PTPRT: variants seen among roughly 807,000 people sequenced by gnomAD.
PTPRT encodes the protein receptor-type tyrosine-protein phosphatase T.
PTPRT carries 56 observed loss-of-function variants against 176.8 expected under a neutral mutation model. The ratio of observed to expected loss-of-function variants is 0.32; its 90% CI spans 0.26 to 0.40. The LOEUF (loss-of-function observed/expected upper bound fraction) is 0.40. Ranked by LOEUF, PTPRT falls within the 10% of genes least tolerant of loss-of-function variation. PTPRT has a pLI of 1.00. For synonymous variants in PTPRT, 783 were observed against 739.0 expected (o/e 1.06, Z -0.96); for missense variants, 1,540 against 1,908.2 (o/e 0.81, Z 3.60).
chr20:42,540,728 T>A (rs1164549401), intron 7 of PTPRT, among the ~76,000 whole-genome samples: 2 of 152,070 alleles, frequency 1.3e-5, no homozygotes, highest in East Asian at 3.9e-4. Flanking sequence ...AGGGAAAACA[T>A]AATAGTTGTG....
chr20:42,892,129 T>TCC (rs1336968009), intron 1 of PTPRT, among the ~76,000 whole-genome samples: 1 of 152,190 alleles, frequency 6.6e-6, no homozygotes, highest in Non-Finnish European at 1.5e-5. Context: ...TCATCAGAGC[T>TCC]CCTAAGGAAC....
At chr20:42,191,817 C>T (rs4507153) in intron 16 of PTPRT, among the ~76,000 whole-genome samples, 49,123 of 152,066 alleles carry the variant, frequency 0.32, 8,910 homozygotes, top group South Asian at 0.46. Context: ...AGAGAGAATA[C>T]ATTATGAGAA....
At chr20:42,512,252 C>T (rs2071972136) in intron 7 of PTPRT, among the ~76,000 whole-genome samples, 1 of 152,188 alleles carries the variant, frequency 6.6e-6, no homozygotes, top group Admixed American at 6.5e-5. Flanking sequence ...TTCCAAAAAA[C>T]TTCCTTGTAC....
intron 26 of PTPRT, among the ~76,000 whole-genome samples, chr20:42,101,809 T>TGAGA (rs1361664497): frequency 2.0e-5 from 3 of 152,238 alleles, no homozygotes; most frequent in African/African-American, 7.2e-5. Context: ...AACTTCAGGC[T>TGAGA]GAGAGTCGGC....
intron 1 of PTPRT, among the ~76,000 whole-genome samples, chr20:42,905,836 A>G: frequency 6.6e-6 from 1 of 150,388 alleles, no homozygotes. Flanking sequence ...CAAACACCGC[A>G]TACTCTCACT....
intron 6 of PTPRT, among the ~76,000 whole-genome samples, chr20:42,730,215 C>T (rs2076439939): frequency 6.6e-6 from 1 of 152,160 alleles, no homozygotes; most frequent in African/African-American, 2.4e-5. Flanking sequence ...CCACACATTC[C>T]ATATTTCTCC....
At chr20:42,090,709 G>A (rs1197076246) in intron 27 of PTPRT, among the ~76,000 whole-genome samples, 1 of 152,142 alleles carries the variant, frequency 6.6e-6, no homozygotes, top group Non-Finnish European at 1.5e-5. Context: ...CTCCTGGGGA[G>A]GGAAAGCTTA....
intron 1 of PTPRT, among the ~76,000 whole-genome samples, chr20:42,978,729 C>T (rs1312217954): frequency 2.6e-5 from 4 of 152,146 alleles, no homozygotes; most frequent in African/African-American, 9.7e-5. Flanking sequence ...AAGATGGCCA[C>T]GAGAGTGACC....
Position 42,810,854 on chromosome 20 carries a change from G to A in PTPRT, c.215-19388C>T, listed in dbSNP as rs539639759. Among the ~76,000 whole-genome samples, 263 of 152,220 alleles carry A rather than the reference G, an allele frequency of 1.7e-3. 1 individual carries two copies. The highest frequency in any genetic ancestry group is 0.017 in the Middle Eastern group (5 of 292). ...CCTCTCCCCTTTGCCCGTCCAACCCGCCCCAGGTCTTAATTCCTGTCCTTC... is the reference window on the plus strand; with the variant it reads ...CCTCTCCCCTTTGCCCGTCCAACCCACCCCAGGTCTTAATTCCTGTCCTTC... On this transcript the variant is annotated intron_variant, in intron 2 of 30. Coordinates refer to ENST00000373187, the MANE Select transcript of PTPRT (RefSeq NM_007050.6).
chr20:42,865,821 C>A (rs1349629755), intron 2 of PTPRT, among the ~76,000 whole-genome samples: 2 of 152,158 alleles, frequency 1.3e-5, no homozygotes, highest in Non-Finnish European at 2.9e-5. Flanking sequence ...GCTGGGTGCT[C>A]CTGGTGGAAT....
chr20:42,448,198 G>A (rs192355267), intron 9 of PTPRT, 22 bp downstream of exon 9: 2 of 1,546,792 alleles, frequency 1.3e-6, no homozygotes, highest in African/African-American at 2.7e-5. Context: ...GCCAATGGAT[G>A]CAGCACAAGG....
intron 1 of PTPRT, among the ~76,000 whole-genome samples, chr20:42,999,807 T>C (rs1984449841): frequency 6.6e-6 from 1 of 151,932 alleles, no homozygotes; most frequent in African/African-American, 2.4e-5. Context: ...ACCCTGACTC[T>C]AAATAAATAA....
intron 7 of PTPRT, among the ~76,000 whole-genome samples, chr20:42,664,186 G>A (rs1481478220): frequency 2.0e-5 from 3 of 152,056 alleles, no homozygotes; most frequent in Non-Finnish European, 4.4e-5. Context: ...TTCATATTTT[G>A]TTTAGCAATT....
intron 2 of PTPRT, among the ~76,000 whole-genome samples, chr20:42,844,805 C>A (rs910339292): frequency 6.6e-6 from 1 of 152,216 alleles, no homozygotes; most frequent in African/African-American, 2.4e-5. Flanking sequence ...TTGGGTCAGA[C>A]CCCATGCTAG....
chr20:42,248,073 G>C (rs376860281), intron 14 of PTPRT, among the ~76,000 whole-genome samples: 1 of 152,176 alleles, frequency 6.6e-6, no homozygotes, highest in African/African-American at 2.4e-5. Context: ...CTAGTAGCTG[G>C]CCAAAGGAGT....
intron 7 of PTPRT, among the ~76,000 whole-genome samples, chr20:42,612,725 A>T (rs569699031): frequency 6.6e-6 from 1 of 152,168 alleles, no homozygotes; most frequent in East Asian, 1.9e-4. Flanking sequence ...CTTTTAAGAC[A>T]TTATATATTG....
chr20:42,331,395 T>C (rs111297254), intron 11 of PTPRT, among the ~76,000 whole-genome samples: 17 of 146,652 alleles, frequency 1.2e-4, no homozygotes, highest in African/African-American at 4.1e-4. Flanking sequence ...GAAAGGAAAG[T>C]ATCAGGTGAA....
At chr20:42,236,103 A>C (rs2056236136) in intron 15 of PTPRT, 126 bp downstream of exon 15, 2 of 758,526 alleles carry the variant, frequency 2.6e-6, no homozygotes, top group Admixed American at 2.8e-5. Flanking sequence ...AAAAACTTTA[A>C]GGCTACAGAC....
At chr20:42,717,664 T>C (rs2076245511) in intron 6 of PTPRT, among the ~76,000 whole-genome samples, 1 of 152,214 alleles carries the variant, frequency 6.6e-6, no homozygotes, top group Non-Finnish European at 1.5e-5. Flanking sequence ...ATGGGACATC[T>C]TTAAAATCAA....
Sources: gnomAD v4.1 joint callset for allele counts (sites outside exome capture counted in the v4.1 genomes callset) on GRCh38, gnomAD v4.1.1 for gene constraint, MANE v1.5 for transcripts, NCBI Gene and HGNC (gene_info 2026-07-23, HGNC 2026-07-21) for gene names.